C10orf90: variants seen among roughly 807,000 people sequenced by gnomAD.
The protein encoded by C10orf90 is (E2-independent) E3 ubiquitin-conjugating enzyme FATS.
C10orf90 carries 56 observed loss-of-function variants against 62.5 expected under a neutral mutation model. The observed-to-expected ratio is 0.90, with a 90% CI of 0.72 to 1.12. The LOEUF (loss-of-function observed/expected upper bound fraction) is 1.12, where lower values mean the gene tolerates loss of function less well. Among genes scored for constraint, C10orf90 ranks in the 50% most tolerant of loss-of-function variants. The pLI is 0.00. For missense variants in C10orf90, 970 were observed against 880.4 expected (o/e 1.10, Z -1.29); for synonymous variants, 386 against 340.4 (o/e 1.13, Z -1.47).
intron 1 of C10orf90, among the ~76,000 whole-genome samples, chr10:126,654,062 G>T (rs1846343828): frequency 2.0e-5 from 3 of 152,110 alleles, no homozygotes; most frequent in Admixed American, 2.0e-4. Flanking sequence ...AGGCTTTGTT[G>T]TTCCATTTAT....
At chr10:126,644,970 T>A (rs1846137438) in intron 2 of C10orf90, among the ~76,000 whole-genome samples, 1 of 152,174 alleles carries the variant, frequency 6.6e-6, no homozygotes, top group Non-Finnish European at 1.5e-5. Flanking sequence ...GAGTTCAAAC[T>A]AAATATCTGT....
chr10:126,604,284 C>T (rs1477183684), intron 2 of C10orf90, among the ~76,000 whole-genome samples: 5 of 152,162 alleles, frequency 3.3e-5, no homozygotes, highest in Non-Finnish European at 5.9e-5. Flanking sequence ...CCAGCATCAC[C>T]TGGGCATCAC....
chr10:126,513,931 C>A lies in C10orf90; in HGVS notation c.322G>T (p.Asp108Tyr), dbSNP rs200115977. Residue 108 changes from aspartate (D) to tyrosine (Y), a missense_variant, in exon 3 of 10, where the codon GAC (aspartate) becomes TAC (tyrosine). Transcript: ENST00000488181. ...NESLSNAGLR[D>Y]SYHSRRDQIA... ...TGATCTCTTCTACTGTGGTAGCTGT[C>A]CCGTAATCCTAGGCAAAAGAAGATA... is the stretch of plus-strand genomic sequence containing the variant. The A allele has an allele frequency of 6.2e-7, 1 of 1,611,246 alleles. No homozygotes were observed. Among genetic ancestry groups the A allele is most frequent in the Non-Finnish European group, 8.5e-7 (1 of 1,178,372 alleles).
chr10:126,491,616 G>GA (rs1861778585), intron 4 of C10orf90, among the ~76,000 whole-genome samples: 1 of 152,202 alleles, frequency 6.6e-6, no homozygotes, highest in African/African-American at 2.4e-5. Flanking sequence ...AGGAGCATCT[G>GA]AAAGATTCCT....
At chr10:126,635,517 G>A (rs909728154) in intron 2 of C10orf90, among the ~76,000 whole-genome samples, 1 of 152,162 alleles carries the variant, frequency 6.6e-6, no homozygotes, top group African/African-American at 2.4e-5. Context: ...AAGAAGCAGG[G>A]CCCGTCTCTG....
intron 4 of C10orf90, among the ~76,000 whole-genome samples, chr10:126,492,298 G>T (rs560297638): frequency 6.6e-6 from 1 of 152,314 alleles, no homozygotes; most frequent in South Asian, 2.1e-4. Flanking sequence ...CAGGGATGTT[G>T]CCAAGCATCC....
chr10:126,580,162 G>T (rs1398746636), intron 2 of C10orf90, among the ~76,000 whole-genome samples: 2 of 152,152 alleles, frequency 1.3e-5, no homozygotes, highest in East Asian at 1.9e-4. Flanking sequence ...GGGGCATAGG[G>T]TCTGGTAAAG....
intron 2 of C10orf90, among the ~76,000 whole-genome samples, chr10:126,618,776 C>T (rs762596891): frequency 1.4e-4 from 22 of 152,320 alleles, no homozygotes; most frequent in Non-Finnish European, 1.9e-4. Context: ...TTCCACTCCT[C>T]GTTCCCATCC....
intron 7 of C10orf90, among the ~76,000 whole-genome samples, chr10:126,436,098 C>T (rs957535048): frequency 7.2e-5 from 11 of 152,196 alleles, no homozygotes; most frequent in Middle Eastern, 3.2e-3. Context: ...CAAAGACCCA[C>T]GGAACAACCA....
chr10:126,474,889 G>C (rs1171400370), intron 4 of C10orf90, among the ~76,000 whole-genome samples: 1 of 152,206 alleles, frequency 6.6e-6, no homozygotes, highest in Non-Finnish European at 1.5e-5. Flanking sequence ...CGGCTCATTT[G>C]CTTTGTCCTC....
chr10:126,460,279 G>A (rs1366596702), intron 6 of C10orf90, among the ~76,000 whole-genome samples: 1 of 152,216 alleles, frequency 6.6e-6, no homozygotes, highest in African/African-American at 2.4e-5. Context: ...GTGAGCTCCA[G>A]GAAGTCATGG....
At chr10:126,651,735 C>T (rs528732419) in intron 1 of C10orf90, among the ~76,000 whole-genome samples, 3 of 152,234 alleles carry the variant, frequency 2.0e-5, no homozygotes, top group Admixed American at 6.5e-5. Flanking sequence ...TGGACATGTG[C>T]GTAGTTTGCA....
intron 2 of C10orf90, among the ~76,000 whole-genome samples, chr10:126,526,596 G>GT (rs1863955308): frequency 6.6e-6 from 1 of 152,054 alleles, no homozygotes; most frequent in South Asian, 2.1e-4. Flanking sequence ...AAGCCATACA[G>GT]TTTACCCTTT....
chr10:126,467,495 A>G (rs1443785424), intron 4 of C10orf90, among the ~76,000 whole-genome samples: 2 of 152,032 alleles, frequency 1.3e-5, no homozygotes, highest in African/African-American at 2.4e-5. Flanking sequence ...GCATCACCCC[A>G]CTGAGGACCC....
intron 2 of C10orf90, among the ~76,000 whole-genome samples, chr10:126,614,304 G>A (rs1051032422): frequency 6.6e-6 from 1 of 152,074 alleles, no homozygotes; most frequent in Non-Finnish European, 1.5e-5. Flanking sequence ...GGTCATCGGG[G>A]TTAGAAAGGA....
At chr10:126,659,464 C>T (rs1846464655) in intron 1 of C10orf90, among the ~76,000 whole-genome samples, 1 of 152,110 alleles carries the variant, frequency 6.6e-6, no homozygotes, top group African/African-American at 2.4e-5. Flanking sequence ...TAGCAAGCGA[C>T]GTGTTGTTTA....
chr10:126,441,342 A>T (rs936401619), intron 7 of C10orf90, among the ~76,000 whole-genome samples: 2 of 152,100 alleles, frequency 1.3e-5, no homozygotes, highest in African/African-American at 4.8e-5. Context: ...ACAAACAAAT[A>T]AGAATAAAAA....
chr10:126,656,789 A>T lies in C10orf90; in HGVS notation c.241-10152T>A, dbSNP rs1031611630. On this transcript the variant is annotated intron_variant, in intron 1 of 9. Coordinates refer to ENST00000488181, the MANE Select transcript of C10orf90 (RefSeq NM_001350921.2). ...TGGAGTTCAACTGTACCCATTTGTC[A>T]CAACAAAATGAACTGTATGCTTCAA... Among the ~76,000 whole-genome samples, 4 of 152,238 alleles carry T rather than the reference A, an allele frequency of 2.6e-5. No homozygotes were observed. In the East Asian group the frequency reaches 7.7e-4, roughly 29 times the overall value.
intron 2 of C10orf90, among the ~76,000 whole-genome samples, chr10:126,571,051 T>C (rs1180196270): frequency 6.6e-6 from 1 of 152,148 alleles, no homozygotes; most frequent in Non-Finnish European, 1.5e-5. Flanking sequence ...TAAATAGATG[T>C]GCTTGCCGCA....
Sources: allele counts gnomAD v4.1 joint callset (sites outside exome capture counted in the v4.1 genomes callset), GRCh38; gene constraint gnomAD v4.1.1; transcripts MANE v1.5; gene names NCBI Gene and HGNC (gene_info 2026-07-23, HGNC 2026-07-21).